Variants in SAP130 observed in about 807,000 individuals in gnomAD.
The protein encoded by SAP130 is Sin3A associated protein 130.
A neutral mutation model predicts 103.2 loss-of-function variants in SAP130; 16 were observed. The ratio of observed to expected loss-of-function variants is 0.16; its 90% CI spans 0.10 to 0.24. SAP130 has a LOEUF of 0.24. Ranked by LOEUF, SAP130 falls within the 10% of genes least tolerant of loss-of-function variation. The pLI is 1.00. For synonymous variants in SAP130, 477 were observed against 497.0 expected (o/e 0.96, Z 0.53); for missense variants, 990 against 1,359.7 (o/e 0.73, Z 4.28).
intron 14 of SAP130, among the ~76,000 whole-genome samples, chr2:127,985,652 T>C (rs1016087450): frequency 6.6e-6 from 1 of 152,008 alleles, no homozygotes; most frequent in African/African-American, 2.4e-5. Flanking sequence ...AGGGAAGTGC[T>C]GGGAAGGGGC....
At chr2:127,985,539 CAACT>C (rs1189565301) in intron 14 of SAP130, among the ~76,000 whole-genome samples, 2 of 152,126 alleles carry the variant, frequency 1.3e-5, no homozygotes, top group African/African-American at 2.4e-5. Flanking sequence ...TATGATCCAC[CAACT>C]GAGAAGCTTA....
intron 2 of SAP130, among the ~76,000 whole-genome samples, chr2:128,019,901 A>T (rs971265578): frequency 5.3e-5 from 8 of 152,178 alleles, no homozygotes; most frequent in Non-Finnish European, 1.0e-4. Context: ...ATTAAGTGGA[A>T]AAAAATCAGA....
rs534643652 is a variant in SAP130, at chr2:128,027,858, G to C, written c.-7+82C>G. ...CTGCCCTTCCCCGGGGACGCGCAAC[G>C]GGACGGACGCTGCAGCCCGGCTCAG... On this transcript the variant is annotated intron_variant, in intron 1 of 20. Transcript: ENST00000643581. 99 of 889,378 alleles carry C rather than the reference G, an allele frequency of 1.1e-4. 1 individual carries two copies. The South Asian group carries it at 2.1e-3, about 19-fold the overall frequency. 55.1% of individuals were successfully genotyped at this position (889,378 alleles called of 1,614,324 possible). A position where few individuals can be genotyped will look rare whatever the true frequency, so the allele number is the denominator to read the frequency against.
chr2:127,968,844 G>A (rs1052099598), intron 15 of SAP130, among the ~76,000 whole-genome samples: 5 of 152,112 alleles, frequency 3.3e-5, no homozygotes, highest in Admixed American at 1.3e-4. Flanking sequence ...TATGACTAAC[G>A]TTTTCTCCAT....
chr2:128,027,178 T>A, intron 1 of SAP130: 1 of 1,249,124 alleles, frequency 8.0e-7, no homozygotes, highest in East Asian at 3.2e-5. Flanking sequence ...GCGGCGGCGA[T>A]GTGCTCGGCG....
chr2:128,017,766 C>G lies in SAP130; in HGVS notation c.262G>C (p.Ala88Pro), dbSNP rs377732909. The G allele has an allele frequency of 1.1e-5, 18 of 1,614,052 alleles. No homozygotes were observed. Among genetic ancestry groups the G allele is most frequent in the African/African-American group, 6.7e-5 (5 of 74,916 alleles). Residue 88 changes from alanine to proline, a missense_variant, in exon 3 of 21, where the codon GCA (alanine) becomes CCA (proline). Ala to Pro is a conservative substitution (Grantham distance 27). Transcript: ENST00000643581. The part of the protein sequence containing the change: ...VQMLSTHHAV[A>P]SATPVAVTAP... ...GTCACTGCAACAGGTGTGGCTGATG[C>G]GACAGCATGGTGTGTCGACAACATC...
At chr2:127,975,116 G>C (rs1014736857) in intron 15 of SAP130, among the ~76,000 whole-genome samples, 12 of 151,672 alleles carry the variant, frequency 7.9e-5, no homozygotes, top group African/African-American at 2.4e-4. Flanking sequence ...TGCCCATCAT[G>C]ATCAGTAACC....
At chr2:127,994,755 C>T (rs1454938973) in intron 11 of SAP130, among the ~76,000 whole-genome samples, 1 of 152,166 alleles carries the variant, frequency 6.6e-6, no homozygotes, top group Non-Finnish European at 1.5e-5. Context: ...AAGATCCTGT[C>T]TCAAAAACAA....
chr2:128,018,483 CAAAAA>C (rs759445928), intron 2 of SAP130, among the ~76,000 whole-genome samples: 3 of 69,472 alleles, frequency 4.3e-5, no homozygotes, highest in South Asian at 9.8e-4. Flanking sequence ...AGATTGTCTC[CAAAAA>C]AAAAAAAAAA....
At chr2:127,958,048 C>T (rs1371875104) in intron 15 of SAP130, among the ~76,000 whole-genome samples, 1 of 152,226 alleles carries the variant, frequency 6.6e-6, no homozygotes, top group Non-Finnish European at 1.5e-5. Context: ...CCAACTGGTA[C>T]AACAAACCAC....
At position 127,955,490 on chromosome 2, in the gene SAP130, T is replaced by A; in HGVS notation, c.2064-146A>T. 1 of 551,098 alleles carries A rather than the reference T, an allele frequency of 1.8e-6. No individual in the cohort carries two copies. Among genetic ancestry groups the A allele is most frequent in the Non-Finnish European group, 3.0e-6 (1 of 335,652 alleles). The allele number at this position is 551,098 out of a possible 1,614,324, so 34.1% of individuals were successfully genotyped here. On this transcript the variant is annotated intron_variant, in intron 15 of 20. Transcript: ENST00000643581. The surrounding 1 kb of genome is among the most constrained non-coding windows in gnomAD (Gnocchi z 4.9). Reference sequence around the variant, plus strand: ...CTATTTCCTTTTTTTAAATTTTTAATTTTAAAAAAATTTTGAGACAGGGTC... The same window carrying A: ...CTATTTCCTTTTTTTAAATTTTTAAATTTAAAAAAATTTTGAGACAGGGTC...
chr2:127,955,941 C>T lies in SAP130; in HGVS notation c.2064-597G>A, dbSNP rs954211651. On this transcript the variant is annotated intron_variant, in intron 15 of 20. Transcript: ENST00000643581. This position sits in a 1 kb window ranked among gnomAD's most constrained non-coding sequence, Gnocchi z 4.9. ...CACTTTAAAGAACTCAAAGTCATAT[C>T]GTCATAGCACAACCAATTTTCATAA... Among the ~76,000 whole-genome samples the T allele has an allele frequency of 1.1e-4, 17 of 152,154 alleles. No homozygotes were observed. The highest frequency in any genetic ancestry group is 2.1e-4 in the Non-Finnish European group (14 of 68,040).
At chr2:128,019,027 G>T (rs1270926448) in intron 2 of SAP130, among the ~76,000 whole-genome samples, 2 of 150,694 alleles carry the variant, frequency 1.3e-5, no homozygotes, top group Non-Finnish European at 3.0e-5. Context: ...GAACCCAGGA[G>T]ATGGGAGGCT....
intron 13 of SAP130, among the ~76,000 whole-genome samples, chr2:127,988,719 T>G (rs139455647): frequency 3.5e-4 from 53 of 152,038 alleles, no homozygotes; most frequent in African/African-American, 1.2e-3. Flanking sequence ...GCATGGTAGC[T>G]TGCACCTATA....
At chr2:128,021,197 C>CT (rs1329522891) in intron 2 of SAP130, among the ~76,000 whole-genome samples, 6 of 152,002 alleles carry the variant, frequency 3.9e-5, no homozygotes, top group Non-Finnish European at 7.4e-5. Context: ...GCCTGTAATC[C>CT]CAGCACTTTG....
rs1044489891 is a variant in SAP130, at chr2:128,010,277, T to C, written c.861A>G (p.Ser287=). ...ATACTCCCCATGTATACCTAAGTGC[T>C]GAATCAGTAGCATGCGCCGCTGTCG... ...ITTTAAHATD[S]ALSRPTLSIQ... is the part of the protein sequence containing the mutation. The change falls in exon 7 of 21, where the codon TCA becomes TCG. Residue 287 remains serine (S), a synonymous_variant. Coordinates refer to ENST00000643581, the MANE Select transcript of SAP130 (RefSeq NM_001330301.2). 1 of 1,613,544 alleles carries C rather than the reference T, an allele frequency of 6.2e-7. No individual in the cohort carries two copies. The highest frequency in any genetic ancestry group is 1.3e-5 in the African/African-American group (1 of 74,604).
At chr2:128,021,908 C>A (rs542608476) in intron 2 of SAP130, among the ~76,000 whole-genome samples, 1 of 152,150 alleles carries the variant, frequency 6.6e-6, no homozygotes, top group African/African-American at 2.4e-5. Flanking sequence ...TCATATATAT[C>A]TTCTTTAGTG....
At position 127,953,713 on chromosome 2, in the gene SAP130, T is replaced by C. The variant is rs957751156; in HGVS notation, c.2422+1273A>G. ...GCCTGGAATACCCTTTCCCCGGATA[T>C]CCTCATGGCCAGGAACTTCATTTCT... is the stretch of plus-strand genomic sequence containing the variant. On this transcript the variant is annotated intron_variant, in intron 16 of 20. Coordinates refer to ENST00000643581, the MANE Select transcript of SAP130 (RefSeq NM_001330301.2). The surrounding 1 kb of genome is among the most constrained non-coding windows in gnomAD (Gnocchi z 4.0). Among the ~76,000 whole-genome samples the C allele has an allele frequency of 5.3e-5, 8 of 152,176 alleles. No individual in the cohort carries two copies. Among genetic ancestry groups the C allele is most frequent in the Non-Finnish European group, 1.0e-4 (7 of 68,024 alleles).
chr2:128,010,481 A>G, intron 6 of SAP130, 88 bp from the exon 7 acceptor site: 1 of 1,250,176 alleles, frequency 8.0e-7, no homozygotes, highest in Non-Finnish European at 1.1e-6. Flanking sequence ...ACTTGAGCCT[A>G]CAGATAAGCA....
Sources: gnomAD v4.1 joint callset for allele counts (sites outside exome capture counted in the v4.1 genomes callset) on GRCh38, gnomAD v4.1.1 for gene constraint, Gnocchi (gnomAD v3.1) non-coding constraint, MANE v1.5 for transcripts, NCBI Gene and HGNC (gene_info 2026-07-23, HGNC 2026-07-21) for gene names.